Variants in PFKFB3 observed in about 807,000 individuals in gnomAD.
PFKFB3 encodes 6-phosphofructo-2-kinase/fructose-2,6-biphosphatase 3, also known as 6-phosphofructo-2-kinase/fructose-2,6-bisphosphatase 3.
PFKFB3 carries 33 observed loss-of-function variants against 68.0 expected under a neutral mutation model. The ratio of observed to expected loss-of-function variants is 0.49; its 90% CI spans 0.37 to 0.65. The LOEUF (loss-of-function observed/expected upper bound fraction) is 0.65, where lower values mean the gene tolerates loss of function less well. Ranked by LOEUF, PFKFB3 falls within the 30% of genes least tolerant of loss-of-function variation. PFKFB3 has a pLI of 0.00. For synonymous variants in PFKFB3, 315 were observed against 288.2 expected, an observed-to-expected ratio of 1.09 and a Z score of -0.94; for missense variants, 586 against 712.2, an observed-to-expected ratio of 0.82 and a Z score of 2.02.
chr10:6,292,727 C>T, the PFKFB3 span, among the ~76,000 whole-genome samples: 10 of 151,704 alleles, frequency 6.6e-5, no homozygotes, highest in Non-Finnish European at 1.3e-4. Context: ...ACTAAAGTAA[C>T]ATGAACAGCA....
chr10:6,305,731 G>T, the PFKFB3 span, among the ~76,000 whole-genome samples: 1 of 152,126 alleles, frequency 6.6e-6, no homozygotes, highest in Non-Finnish European at 1.5e-5. Flanking sequence ...TTATCTGTGG[G>T]ACTTCTTTAA....
chr10:6,227,546 G>A (rs1210133427), intron 14 of PFKFB3, among the ~76,000 whole-genome samples: 1 of 152,202 alleles, frequency 6.6e-6, no homozygotes, highest in Non-Finnish European at 1.5e-5. Flanking sequence ...GGCAATGGGG[G>A]AATAATGGCA....
At chr10:6,259,302 A>G (rs1846518383), downstream of PFKFB3, among the ~76,000 whole-genome samples, 2 of 148,958 alleles carry the variant, frequency 1.3e-5, no homozygotes, top group South Asian at 2.1e-4. Flanking sequence ...CCAACCATTC[A>G]TCCATCCACC....
chr10:6,270,268 C>T, the PFKFB3 span, among the ~76,000 whole-genome samples: 3 of 152,274 alleles, frequency 2.0e-5, no homozygotes, highest in East Asian at 5.8e-4. Flanking sequence ...AGTTGCTTTC[C>T]CTCTCCACAA....
rs1464375271 is a variant in PFKFB3, at chr10:6,229,639, G to A, written c.1516-3256G>A. Among the ~76,000 whole-genome samples the A allele has an allele frequency of 2.6e-5, 4 of 152,198 alleles. No homozygotes were observed. The highest frequency in any genetic ancestry group is 5.9e-5 in the Non-Finnish European group (4 of 68,040). ...AGGGCCAGTGTCTGTGATGCGCGGG[G>A]CCAGCGTGCAGTGCTTCAGGATCTG... On this transcript the variant is annotated intron_variant, in intron 14 of 14. Coordinates refer to ENST00000379775, the MANE Select transcript of PFKFB3 (RefSeq NM_004566.4). This position sits in a 1 kb window ranked among gnomAD's most constrained non-coding sequence, Gnocchi z 4.3.
the PFKFB3 span, among the ~76,000 whole-genome samples, chr10:6,272,041 C>T: frequency 6.6e-6 from 1 of 152,172 alleles, no homozygotes; most frequent in Non-Finnish European, 1.5e-5. Flanking sequence ...AGACAGTTGC[C>T]CCTGCCCCGA....
chr10:6,151,035 A>G (rs1403372810), intron 1 of PFKFB3, among the ~76,000 whole-genome samples: 1 of 152,186 alleles, frequency 6.6e-6, no homozygotes, highest in Non-Finnish European at 1.5e-5. Flanking sequence ...ATTGCCTATC[A>G]TTCATGACGG....
chr10:6,282,845 C>T, the PFKFB3 span, among the ~76,000 whole-genome samples: 3 of 152,146 alleles, frequency 2.0e-5, no homozygotes, highest in Admixed American at 2.0e-4. Flanking sequence ...TAGAAAGTTC[C>T]TTTGTCTTTG....
At chr10:6,312,853 C>G in the PFKFB3 span, among the ~76,000 whole-genome samples, 2 of 152,160 alleles carry the variant, frequency 1.3e-5, no homozygotes, top group Admixed American at 1.3e-4. Context: ...GCTGACTTTG[C>G]ACATAGTGAG....
intron 1 of PFKFB3, among the ~76,000 whole-genome samples, chr10:6,148,751 A>T (rs1201903338): frequency 6.6e-6 from 1 of 152,234 alleles, no homozygotes; most frequent in Non-Finnish European, 1.5e-5. Context: ...ACGCTGGGGC[A>T]GTTCTTCCTC....
At chr10:6,191,794 C>T (rs963439608) in intron 1 of PFKFB3, among the ~76,000 whole-genome samples, 5 of 152,122 alleles carry the variant, frequency 3.3e-5, no homozygotes, top group African/African-American at 4.8e-5. Flanking sequence ...AGGAGCAACG[C>T]GATGCACGAC....
chr10:6,324,074 G>C, the PFKFB3 span, among the ~76,000 whole-genome samples: 1 of 152,152 alleles, frequency 6.6e-6, no homozygotes, highest in Non-Finnish European at 1.5e-5. Flanking sequence ...TCCATGGATA[G>C]ACAAAGGGAT....
At chr10:6,175,492 C>T (rs747281087) in intron 1 of PFKFB3, among the ~76,000 whole-genome samples, 4 of 152,294 alleles carry the variant, frequency 2.6e-5, no homozygotes, top group South Asian at 2.1e-4. Flanking sequence ...GCTGGGGCAC[C>T]GCAGGCGCCA....
intron 1 of PFKFB3, among the ~76,000 whole-genome samples, chr10:6,170,539 A>G (rs953184572): frequency 2.6e-5 from 4 of 152,232 alleles, no homozygotes; most frequent in Admixed American, 1.3e-4. Context: ...CCTCCTTCCT[A>G]CAAAAAATTT....
At chr10:6,172,771 G>A (rs942565356) in intron 1 of PFKFB3, among the ~76,000 whole-genome samples, 1 of 151,794 alleles carries the variant, frequency 6.6e-6, no homozygotes, top group Non-Finnish European at 1.5e-5. Context: ...GCAGTGAGCT[G>A]TGATTGTGCC....
chr10:6,292,219 G>A, the PFKFB3 span, among the ~76,000 whole-genome samples: 1 of 147,718 alleles, frequency 6.8e-6, no homozygotes, highest in East Asian at 2.0e-4. Flanking sequence ...ATCCCAAAGT[G>A]CTGGGATTAC....
chr10:6,260,209 C>T, the PFKFB3 span, among the ~76,000 whole-genome samples: 921 of 151,948 alleles, frequency 6.1e-3, 5 homozygotes, highest in African/African-American at 0.021. Context: ...GTCAGGAGAT[C>T]GAGACCATCC....
upstream of PFKFB3, among the ~76,000 whole-genome samples, chr10:6,201,387 G>A (rs1843343801): frequency 6.7e-6 from 1 of 149,150 alleles, no homozygotes; most frequent in East Asian, 1.9e-4. This position sits in a 1 kb window ranked among gnomAD's most constrained non-coding sequence, Gnocchi z 4.1. Context: ...CAAAGCTGTC[G>A]CGGGAACAGG....
At chr10:6,203,362 T>C in intron 1 of PFKFB3, 26 bp downstream of exon 1, 3 of 1,561,118 alleles carry the variant, frequency 1.9e-6, no homozygotes, top group Non-Finnish European at 2.6e-6. Context: ...CGGAGCCGGG[T>C]TGCAGGGCGG....
Sources: gnomAD v4.1 joint callset for allele counts (sites outside exome capture counted in the v4.1 genomes callset) on GRCh38, gnomAD v4.1.1 for gene constraint, Gnocchi (gnomAD v3.1) non-coding constraint, MANE v1.5 for transcripts, NCBI Gene and HGNC (gene_info 2026-07-23, HGNC 2026-07-21) for gene names.